CDH26: variants seen among roughly 807,000 people sequenced by gnomAD.
The protein encoded by CDH26 is cadherin 26.
Under a neutral mutation model 90.3 loss-of-function variants are expected in CDH26, and 83 were observed. The observed-to-expected ratio is 0.92, with a 90% CI of 0.77 to 1.10. The LOEUF (loss-of-function observed/expected upper bound fraction) is 1.10. CDH26 is among the 50% of genes least tolerant of loss of function. CDH26 has a pLI of 0.00. For synonymous variants in CDH26, 397 were observed against 396.3 expected (o/e 1.00, Z -0.02); for missense variants, 1,013 against 1,037.6 (o/e 0.98, Z 0.33).
Position 60,021,879 on chromosome 20 carries a change from C to T in CDH26, c.948-9352C>T, listed in dbSNP as rs866960861. Reference sequence around the variant, plus strand: ...ACACACACACACACACACACACACACACACACACACACACACACATATATA... The same window carrying T: ...ACACACACACACACACACACACACATACACACACACACACACACATATATA... On this transcript the variant is annotated intron_variant, in intron 7 of 8. Transcript: ENST00000370991. Among the ~76,000 whole-genome samples the T allele has an allele frequency of 4.9e-3, 488 of 98,620 alleles. 6 individuals carry two copies. The highest frequency in any genetic ancestry group is 7.7e-3 in the Non-Finnish European group (325 of 42,128). The allele number at this position is 98,620 out of a possible 152,430, so 64.7% of individuals were successfully genotyped here. A position where few individuals can be genotyped will look rare whatever the true frequency, so the allele number is the denominator to read the frequency against.
At chr20:59,960,838 G>A (rs1407688445) in intron 1 of CDH26, among the ~76,000 whole-genome samples, 1 of 152,136 alleles carries the variant, frequency 6.6e-6, no homozygotes, top group Non-Finnish European at 1.5e-5. Context: ...GTTCAGTAAC[G>A]ACCCAGCCGT....
downstream of CDH26, among the ~76,000 whole-genome samples, chr20:60,017,539 T>G (rs1175630529): frequency 1.3e-5 from 2 of 152,032 alleles, no homozygotes; most frequent in African/African-American, 4.8e-5. Context: ...TTTCATTTAT[T>G]TTTTCAAAAA....
chr20:59,977,029 A>G (rs2061335761), intron 4 of CDH26, among the ~76,000 whole-genome samples: 1 of 152,060 alleles, frequency 6.6e-6, no homozygotes, highest in East Asian at 1.9e-4. Context: ...CCCTGACTGG[A>G]CTTGAATCTG....
chr20:59,963,803 G>A lies in CDH26; in HGVS notation c.69+5008G>A, dbSNP rs73623749. Among the ~76,000 whole-genome samples the A allele has an allele frequency of 1.5e-3, 223 of 151,938 alleles. 3 individuals are homozygous for A. In the East Asian group the frequency reaches 0.038, roughly 26 times the overall value. Reference sequence around the variant, plus strand: ...CTCATAGGAAATTCTGTGATTTCTAGGGTCCAAATTCTCCCTGAATGAAAG... The same window carrying A: ...CTCATAGGAAATTCTGTGATTTCTAAGGTCCAAATTCTCCCTGAATGAAAG... On this transcript the variant is annotated intron_variant, in intron 1 of 17. Transcript: ENST00000348616.
At chr20:60,022,740 T>G (rs1287092607) in intron 7 of CDH26, among the ~76,000 whole-genome samples, 1 of 152,192 alleles carries the variant, frequency 6.6e-6, no homozygotes, top group Admixed American at 6.5e-5. Context: ...CTGAAATTTG[T>G]GTGTCAAAGG....
At chr20:59,987,687 G>C in intron 8 of CDH26, 49 bp downstream of exon 8, 1 of 1,502,242 alleles carries the variant, frequency 6.7e-7, no homozygotes, top group Admixed American at 1.9e-5. Flanking sequence ...AGACGCTGAG[G>C]CCTCTTCTGT....
At chr20:60,033,385 C>G (rs1368600979) in intron 8 of CDH26, 9 of 1,228,940 alleles carry the variant, frequency 7.3e-6, no homozygotes, top group Non-Finnish European at 9.5e-6. Context: ...CATACATGCA[C>G]GTGGCAAATA....
In CDH26 at chr20:60,021,855, C is replaced by CACACACACACACACACACACACAT. The variant is rs1569068531; in HGVS notation, c.948-9353_948-9352insTACACACACACACACACACACACA. On this transcript the variant is annotated intron_variant, in intron 7 of 8. Transcript: ENST00000370991. ...AAGCCGATATCCTTATCTGTACACACACACACACACACACACACACACACA... is the reference window on the plus strand; with the variant it reads ...AAGCCGATATCCTTATCTGTACACACACACACACACACACACACACACATACACACACACACACACACACACACA... 1.2e-3 allele frequency among the ~76,000 whole-genome samples: 70 copies of CACACACACACACACACACACACAT among 58,986 alleles called. 1 individual carries two copies. The highest frequency in any genetic ancestry group is 2.3e-3 in the Admixed American group (12 of 5,176). The allele number at this position is 58,986 out of a possible 152,430, so 38.7% of individuals were successfully genotyped here.
intron 12 of CDH26, 78 bp downstream of exon 12, chr20:59,996,132 G>C: frequency 7.0e-7 from 1 of 1,423,476 alleles, no homozygotes; most frequent in East Asian, 2.4e-5. Context: ...GGCTTGCTGG[G>C]GTAGGGGACA....
chr20:60,010,875 CT>C (rs2061827508), intron 17 of CDH26, among the ~76,000 whole-genome samples: 1 of 152,256 alleles, frequency 6.6e-6, no homozygotes, highest in African/African-American at 2.4e-5. Context: ...TCCTCCCACT[CT>C]GTGGCTCTGC....
Position 60,012,754 on chromosome 20 carries a change from T to C in CDH26, c.*24T>C. 6.2e-7 allele frequency: 1 copy of C among 1,602,254 alleles called. No homozygotes were observed. Among genetic ancestry groups the C allele is most frequent in the Non-Finnish European group, 8.5e-7 (1 of 1,170,878 alleles). Reference sequence around the variant, plus strand: ...AAAAAAAAAAGTCTATTTTGGAGAATTGAAATAATTCATGGAAGGGAATCA... The same window carrying C: ...AAAAAAAAAAGTCTATTTTGGAGAACTGAAATAATTCATGGAAGGGAATCA... On this transcript the variant is annotated 3_prime_UTR_variant, in exon 18 of 18. Transcript: ENST00000348616.
rs748481244 is a variant in CDH26, at chr20:59,994,243, A to T, written c.1427-7A>T. The T allele has an allele frequency of 4.3e-6, 7 of 1,613,728 alleles. No homozygotes were observed. The East Asian group carries it at 1.6e-4, about 36-fold the overall frequency. On this transcript the variant is annotated splice_region_variant and splice_polypyrimidine_tract_variant and intron_variant, in intron 10 of 17. Transcript: ENST00000348616. The stretch of plus-strand genomic sequence containing the variant: ...AAACAACTCCTGAAACTTCCTCCCC[A>T]TACAAGGCTTCCCACCGCAGACTGC...
At chr20:60,021,584 G>A (rs2061951647) in intron 7 of CDH26, among the ~76,000 whole-genome samples, 1 of 151,988 alleles carries the variant, frequency 6.6e-6, no homozygotes, top group African/African-American at 2.4e-5. Context: ...AAATAAATTT[G>A]CTTTTGACTA....
chr20:60,001,261 G>C, intron 14 of CDH26, 82 bp from the exon 15 acceptor site: 1 of 1,539,998 alleles, frequency 6.5e-7, no homozygotes. Flanking sequence ...AGGGGAAGTG[G>C]TGAGAGGTCA....
intron 17 of CDH26, 46 bp downstream of exon 17, chr20:60,006,833 A>G (rs753898905): frequency 2.1e-6 from 3 of 1,413,942 alleles, no homozygotes; most frequent in African/African-American, 1.4e-5. Flanking sequence ...TGGGTTTTGC[A>G]TCCCCACTGT....
chr20:60,006,391 G>T (rs767807001), intron 16 of CDH26, among the ~76,000 whole-genome samples: 1 of 152,244 alleles, frequency 6.6e-6, no homozygotes, highest in African/African-American at 2.4e-5. Flanking sequence ...AGGAGGGGCA[G>T]TGTAGTTGAG....
chr20:59,997,366 A>G (rs2061612731), intron 13 of CDH26, among the ~76,000 whole-genome samples: 2 of 152,248 alleles, frequency 1.3e-5, no homozygotes, highest in Non-Finnish European at 2.9e-5. Flanking sequence ...CTGCTTTTGC[A>G]TCTCATTAGC....
At chr20:60,009,693 T>A (rs976629538) in intron 17 of CDH26, among the ~76,000 whole-genome samples, 9 of 152,072 alleles carry the variant, frequency 5.9e-5, no homozygotes, top group African/African-American at 2.2e-4. Context: ...TGGTGTATGA[T>A]GAATTATTGA....
intron 16 of CDH26, among the ~76,000 whole-genome samples, chr20:60,004,779 A>G (rs949738916): frequency 6.6e-6 from 1 of 151,390 alleles, no homozygotes; most frequent in Non-Finnish European, 1.5e-5. Flanking sequence ...AAAAAAAAAA[A>G]AAAAAAGAAA....
Sources: allele counts gnomAD v4.1 joint callset (sites outside exome capture counted in the v4.1 genomes callset), GRCh38; gene constraint gnomAD v4.1.1; transcripts MANE v1.5; gene names NCBI Gene and HGNC (gene_info 2026-07-23, HGNC 2026-07-21).